SYN3: variants seen among roughly 807,000 people sequenced by gnomAD.
SYN3 encodes synapsin III.
SYN3 carries 35 observed loss-of-function variants against 65.8 expected under a neutral mutation model. That is an observed-to-expected ratio of 0.53 (90% CI 0.41 to 0.70). The LOEUF is 0.70. Ranked by LOEUF, SYN3 falls within the 30% of genes least tolerant of loss-of-function variation. The pLI is 0.00. For synonymous variants in SYN3, 270 were observed against 292.9 expected, an observed-to-expected ratio of 0.92 and a Z score of 0.80; for missense variants, 680 against 749.0, an observed-to-expected ratio of 0.91 and a Z score of 1.08.
chr22:32,977,257 G>A (rs1163378749), intron 3 of SYN3, among the ~76,000 whole-genome samples: 2 of 152,176 alleles, frequency 1.3e-5, no homozygotes, highest in African/African-American at 4.8e-5. Flanking sequence ...CCCTGGGTGA[G>A]TTATTCTTAG....
intron 6 of SYN3, among the ~76,000 whole-genome samples, chr22:32,699,294 C>T (rs1239561209): frequency 1.3e-5 from 2 of 152,338 alleles, no homozygotes; most frequent in East Asian, 1.9e-4. Context: ...TTGGTTCTGA[C>T]AACCCAGACC....
At chr22:32,518,016 A>G in intron 13 of SYN3, 27 bp downstream of exon 13, 1 of 1,508,304 alleles carries the variant, frequency 6.6e-7, no homozygotes, top group Non-Finnish European at 8.8e-7. Flanking sequence ...TCTATCCTAT[A>G]CCTTTTCCAA....
chr22:33,007,823 A>G (rs1040340507), intron 1 of SYN3, among the ~76,000 whole-genome samples: 18 of 152,270 alleles, frequency 1.2e-4, no homozygotes, highest in Admixed American at 9.8e-4. Context: ...TAAACAGAGT[A>G]ACATAAGTTT....
At chr22:32,517,160 A>C (rs2057792060) in intron 13 of SYN3, among the ~76,000 whole-genome samples, 1 of 152,156 alleles carries the variant, frequency 6.6e-6, no homozygotes, top group South Asian at 2.1e-4. Context: ...TCCTACCAAA[A>C]ATTTATTTCC....
At chr22:32,623,122 G>A (rs900074634) in intron 6 of SYN3, among the ~76,000 whole-genome samples, 9 of 151,966 alleles carry the variant, frequency 5.9e-5, no homozygotes, top group African/African-American at 1.7e-4. Context: ...AAGTGAGATT[G>A]TGAACCCCAG....
At chr22:32,810,456 A>ACAC in intron 6 of SYN3, among the ~76,000 whole-genome samples, 1 of 149,468 alleles carries the variant, frequency 6.7e-6, no homozygotes, top group African/African-American at 2.5e-5. Context: ...GGAAAGCTGT[A>ACAC]CGATCTGGCC....
At chr22:32,848,612 A>G (rs1204475391) in intron 6 of SYN3, among the ~76,000 whole-genome samples, 3 of 152,210 alleles carry the variant, frequency 2.0e-5, no homozygotes, top group African/African-American at 7.2e-5. Flanking sequence ...GATGATATTA[A>G]TAATATTTGT....
intron 4 of SYN3, among the ~76,000 whole-genome samples, chr22:32,898,309 T>G (rs1445092821): frequency 6.6e-6 from 1 of 152,152 alleles, no homozygotes; most frequent in East Asian, 1.9e-4. Flanking sequence ...ATTGTTTTTA[T>G]TTTTTGTAGA....
rs1463926434 is a variant in SYN3 at position 32,510,927 on chromosome 22, T to C, written c.*2765A>G. Among the ~76,000 whole-genome samples the C allele has an allele frequency of 1.3e-5, 2 of 151,462 alleles. No homozygotes were observed. Among genetic ancestry groups the C allele is most frequent in the Non-Finnish European group, 2.9e-5 (2 of 67,954 alleles). On this transcript the variant is annotated 3_prime_UTR_variant, in exon 14 of 14. Transcript: ENST00000358763. ...CGGTTATCAGAGAACTATGAACTCA[T>C]AGCGAGGTGACAGGATTTTAGGATG... is the stretch of plus-strand genomic sequence containing the variant.
chr22:33,001,364 G>A (rs1432476776), intron 2 of SYN3, among the ~76,000 whole-genome samples: 1 of 152,132 alleles, frequency 6.6e-6, no homozygotes, highest in East Asian at 1.9e-4. Flanking sequence ...TTATGTCTGA[G>A]GCCACTCATT....
chr22:33,004,372 G>T (rs546146957), intron 2 of SYN3, among the ~76,000 whole-genome samples: 33 of 152,374 alleles, frequency 2.2e-4, no homozygotes, highest in African/African-American at 7.5e-4. Flanking sequence ...AAAACTATAG[G>T]GATGGAGCTA....
chr22:32,682,183 G>C (rs950683971), intron 6 of SYN3, among the ~76,000 whole-genome samples: 1 of 152,096 alleles, frequency 6.6e-6, no homozygotes, highest in African/African-American at 2.4e-5. Flanking sequence ...ACTTGGGAGT[G>C]GGGGTGGGAT....
At chr22:32,942,779 C>A (rs561699054) in intron 3 of SYN3, among the ~76,000 whole-genome samples, 1 of 152,106 alleles carries the variant, frequency 6.6e-6, no homozygotes. Flanking sequence ...AACCATGGCA[C>A]GAGAACTACG....
chr22:32,630,091 C>A (rs961155098), intron 6 of SYN3, among the ~76,000 whole-genome samples: 29 of 151,250 alleles, frequency 1.9e-4, no homozygotes, highest in African/African-American at 6.8e-4. Context: ...TCAAGCAATT[C>A]TCCTGCCTCA....
intron 1 of SYN3, among the ~76,000 whole-genome samples, chr22:33,008,839 C>T (rs8138749): frequency 0.043 from 6,307 of 145,644 alleles, 450 homozygotes; most frequent in African/African-American, 0.15. Context: ...GCACGAGAAT[C>T]GCTTGAACCC....
At chr22:32,614,086 T>C (rs56400867) in intron 6 of SYN3, among the ~76,000 whole-genome samples, 20,034 of 152,262 alleles carry the variant, frequency 0.13, 1,660 homozygotes, top group Non-Finnish European at 0.19. Context: ...AGGGTTTAAA[T>C]GAATTAACCG....
chr22:32,666,042 C>T (rs575325519), intron 6 of SYN3, among the ~76,000 whole-genome samples: 6 of 152,264 alleles, frequency 3.9e-5, no homozygotes, highest in Non-Finnish European at 4.4e-5. Context: ...CAAAACCCTG[C>T]GGCTCTCTCG....
At chr22:32,953,178 A>G (rs766548942) in intron 3 of SYN3, among the ~76,000 whole-genome samples, 2 of 152,198 alleles carry the variant, frequency 1.3e-5, no homozygotes, top group African/African-American at 4.8e-5. Context: ...TAAGATCACA[A>G]AGCTATTGCA....
intron 6 of SYN3, among the ~76,000 whole-genome samples, chr22:32,822,535 TCTTA>T (rs2047279831): frequency 6.6e-6 from 1 of 152,248 alleles, no homozygotes; most frequent in South Asian, 2.1e-4. Context: ...TAACTAGCAA[TCTTA>T]CTTCTAGAAA....
Sources: allele counts gnomAD v4.1 joint callset (sites outside exome capture counted in the v4.1 genomes callset), GRCh38; gene constraint gnomAD v4.1.1; transcripts MANE v1.5; gene names NCBI Gene and HGNC (gene_info 2026-07-23, HGNC 2026-07-21).